The following FRK variants were observed in gnomAD, a reference collection of about 807,000 sequenced individuals.
The protein encoded by FRK is fyn related Src family tyrosine kinase.
FRK carries 51 observed loss-of-function variants against 56.4 expected under a neutral mutation model. The observed-to-expected ratio is 0.90, with a 90% CI of 0.72 to 1.14. FRK has a LOEUF of 1.14. FRK is among the 50% of genes most tolerant of loss of function. The probability of loss-of-function intolerance (pLI) is 0.00; values close to 1 mark genes in which losing one functional copy is unlikely to be tolerated. For missense variants in FRK, 570 were observed against 601.4 expected (o/e 0.95, Z 0.55); for synonymous variants, 245 against 217.9 (o/e 1.12, Z -1.10).
the FRK span, among the ~76,000 whole-genome samples, chr6:116,084,244 C>G: frequency 6.6e-6 from 1 of 151,994 alleles, no homozygotes; most frequent in Non-Finnish European, 1.5e-5. Context: ...ATCTGTTAAC[C>G]AAAAGAAGAT....
Position 116,041,351 on chromosome 6 carries a change from G to C in FRK, c.344+18617C>G, listed in dbSNP as rs185926980. On this transcript the variant is annotated intron_variant, in intron 1 of 7. Transcript: ENST00000606080. ...ACTGTATACCAGAAAAGAAAACCAGGGCTTCTTAATTCATTCCCTATCTGT... is the reference window on the plus strand; with the variant it reads ...ACTGTATACCAGAAAAGAAAACCAGCGCTTCTTAATTCATTCCCTATCTGT... 5.9e-5 allele frequency among the ~76,000 whole-genome samples: 9 copies of C among 152,200 alleles called. No homozygotes were observed. In the East Asian group the frequency reaches 1.7e-3, roughly 29 times the overall value.
At chr6:115,948,216 C>T (rs779464986) in intron 5 of FRK, among the ~76,000 whole-genome samples, 7 of 152,204 alleles carry the variant, frequency 4.6e-5, no homozygotes, top group Admixed American at 2.6e-4. Flanking sequence ...CAAAGGGCAT[C>T]TTGCAGCCAA....
At chr6:115,997,170 C>T (rs1468651545) in intron 2 of FRK, among the ~76,000 whole-genome samples, 1 of 152,146 alleles carries the variant, frequency 6.6e-6, no homozygotes, top group Non-Finnish European at 1.5e-5. Flanking sequence ...AAAGGCAGTT[C>T]TACCATTTGT....
intron 1 of FRK, among the ~76,000 whole-genome samples, chr6:116,050,904 T>A (rs1386065115): frequency 6.6e-6 from 1 of 152,170 alleles, no homozygotes; most frequent in East Asian, 1.9e-4. Flanking sequence ...CAGAAATTAT[T>A]CTCTAGCAGT....
chr6:115,997,798 T>C (rs1774897787), intron 2 of FRK, among the ~76,000 whole-genome samples: 1 of 152,196 alleles, frequency 6.6e-6, no homozygotes, highest in Admixed American at 6.5e-5. Flanking sequence ...CTGGGAACTC[T>C]TTCTGGATTG....
chr6:116,058,932 T>A lies in FRK; in HGVS notation c.344+1036A>T, dbSNP rs867199827. ...TCTCAAAAAAAAAAAAAAAAAAAAA[T>A]GAGTACATTTTTTGAAAGACATTCC... On this transcript the variant is annotated intron_variant, in intron 1 of 7. Transcript: ENST00000606080. Among the ~76,000 whole-genome samples the A allele has an allele frequency of 3.7e-3, 416 of 112,384 alleles. 10 individuals are homozygous for A. The South Asian group carries it at 0.051, about 14-fold the overall frequency. The allele number at this position is 112,384 out of a possible 152,430, so 73.7% of individuals were successfully genotyped here.
chr6:116,031,869 C>T (rs1056986964), intron 1 of FRK, among the ~76,000 whole-genome samples: 4 of 152,072 alleles, frequency 2.6e-5, no homozygotes, highest in African/African-American at 4.8e-5. Flanking sequence ...ACAATATGAT[C>T]ATTCACATGA....
intron 1 of FRK, among the ~76,000 whole-genome samples, chr6:116,041,381 T>C (rs566871395): frequency 4.5e-4 from 68 of 152,316 alleles, no homozygotes; most frequent in Middle Eastern, 3.4e-3. Context: ...ATCTGTCTTC[T>C]AGGAAAGTGC....
At chr6:116,098,911 A>G in the FRK span, among the ~76,000 whole-genome samples, 1 of 152,228 alleles carries the variant, frequency 6.6e-6, no homozygotes, top group African/African-American at 2.4e-5. Context: ...AGGAAAGGTG[A>G]GTGGGGCTCA....
chr6:116,011,350 G>A (rs1775460222), intron 1 of FRK, among the ~76,000 whole-genome samples: 1 of 152,008 alleles, frequency 6.6e-6, no homozygotes, highest in African/African-American at 2.4e-5. Context: ...GCAACTGATG[G>A]CTAGGATTTA....
chr6:116,049,233 C>T (rs531862607), intron 1 of FRK, among the ~76,000 whole-genome samples: 1 of 152,168 alleles, frequency 6.6e-6, no homozygotes, highest in East Asian at 1.9e-4. Flanking sequence ...ATTTGTTTCC[C>T]ATTGCTCTTC....
chr6:116,066,646 C>A, the FRK span, among the ~76,000 whole-genome samples: 1 of 152,180 alleles, frequency 6.6e-6, no homozygotes, highest in Non-Finnish European at 1.5e-5. Context: ...CTGTCTCCAG[C>A]CTGTCCCTTC....
chr6:115,937,056 AT>A lies in FRK; in HGVS notation c.*5357del, dbSNP rs1772066218. On this transcript the variant is annotated 3_prime_UTR_variant, in exon 8 of 8. Transcript: ENST00000606080. ...CACCAAGGTTGAAATGAAGGAAAAA[AT>A]GTTAAGGGCAGCCAGAGAGAAAGGT... The A allele has an allele frequency of 6.6e-6, 1 of 152,226 alleles. No homozygotes were observed. Among genetic ancestry groups the A allele is most frequent in the Admixed American group, 6.5e-5 (1 of 15,286 alleles). 9.4% of individuals were successfully genotyped at this position (152,226 alleles called of 1,614,324 possible).
rs116378494 is a variant in FRK at position 116,022,617 on chromosome 6, A to C, written c.345-18619T>G. ...AAGTCAACATCTATTCATGATTTAA[A>C]AACAAAAACACTTAGCAAAGTTGAA... On this transcript the variant is annotated intron_variant, in intron 1 of 7. Transcript: ENST00000606080. Among the ~76,000 whole-genome samples the C allele has an allele frequency of 4.9e-3, 747 of 152,288 alleles. 2 individuals carry two copies. Among genetic ancestry groups the C allele is most frequent in the African/African-American group, 0.017 (705 of 41,574 alleles).
At chr6:116,045,230 C>A (rs1370910817) in intron 1 of FRK, among the ~76,000 whole-genome samples, 3 of 152,120 alleles carry the variant, frequency 2.0e-5, no homozygotes, top group Non-Finnish European at 2.9e-5. Context: ...TAGAAAAAAA[C>A]TAATTTAAAT....
intron 2 of FRK, among the ~76,000 whole-genome samples, chr6:115,985,860 A>G (rs545813264): frequency 4.0e-5 from 6 of 149,760 alleles, no homozygotes; most frequent in Admixed American, 1.4e-4. Context: ...ATAAAGAAAA[A>G]AGATAAAGAG....
At chr6:116,020,442 C>T (rs1775832766) in intron 1 of FRK, among the ~76,000 whole-genome samples, 1 of 152,076 alleles carries the variant, frequency 6.6e-6, no homozygotes, top group Admixed American at 6.6e-5. Context: ...CAGGCACACG[C>T]CACCACATCC....
At chr6:116,010,120 G>C (rs1470724976) in intron 1 of FRK, among the ~76,000 whole-genome samples, 1 of 152,026 alleles carries the variant, frequency 6.6e-6, no homozygotes, top group Non-Finnish European at 1.5e-5. Flanking sequence ...TACTCGGGAG[G>C]CTGAGGCAGG....
chr6:115,969,288 A>C (rs1368644015), intron 2 of FRK, among the ~76,000 whole-genome samples: 2 of 152,196 alleles, frequency 1.3e-5, no homozygotes, highest in African/African-American at 2.4e-5. Flanking sequence ...GACTGGTAAC[A>C]GAATGCCCTA....
Sources: gnomAD v4.1 joint callset for allele counts (sites outside exome capture counted in the v4.1 genomes callset) on GRCh38, gnomAD v4.1.1 for gene constraint, MANE v1.5 for transcripts, NCBI Gene and HGNC (gene_info 2026-07-23, HGNC 2026-07-21) for gene names.